RBFOX3: variants seen among roughly 807,000 people sequenced by gnomAD.
RBFOX3 encodes RNA binding fox-1 homolog 3, also known as RNA binding protein fox-1 homolog 3.
Under a neutral mutation model 48.7 loss-of-function variants are expected in RBFOX3, and 17 were observed. The observed-to-expected ratio is 0.35, with a 90% CI of 0.24 to 0.52. The LOEUF (loss-of-function observed/expected upper bound fraction) is 0.52. RBFOX3 is among the 20% of genes least tolerant of loss of function. The probability of loss-of-function intolerance (pLI) is 0.94; values close to 1 mark genes in which losing one functional copy is unlikely to be tolerated. For missense variants in RBFOX3, 382 were observed against 497.5 expected, an observed-to-expected ratio of 0.77 and a Z score of 2.21; for synonymous variants, 212 against 209.5, an observed-to-expected ratio of 1.01 and a Z score of -0.10.
At chr17:79,358,426 C>T (rs147668784) in intron 2 of RBFOX3, among the ~76,000 whole-genome samples, 1 of 152,244 alleles carries the variant, frequency 6.6e-6, no homozygotes, top group Non-Finnish European at 1.5e-5. Context: ...TCCATGAAAC[C>T]CCTCAAGTCT....
chr17:79,246,783 G>A (rs1343943717), intron 3 of RBFOX3, among the ~76,000 whole-genome samples: 1 of 152,186 alleles, frequency 6.6e-6, no homozygotes, highest in Non-Finnish European at 1.5e-5. Flanking sequence ...GACCGAGGAC[G>A]CGGCCTCCCA....
At position 79,249,195 on chromosome 17, in the gene RBFOX3, C is replaced by T. The variant is rs1375091978; in HGVS notation, c.-73-13390G>A. 6.6e-6 allele frequency among the ~76,000 whole-genome samples: 1 copy of T among 152,208 alleles called. No individual in the cohort carries two copies. Among genetic ancestry groups the T allele is most frequent in the Non-Finnish European group, 1.5e-5 (1 of 68,034 alleles). ...AGCTAGGGACTCGGCTCAGGAACTG[C>T]TGCTTGCTGGGGCGTCGAAAGCCAA... On this transcript the variant is annotated intron_variant, in intron 3 of 14. Transcript: ENST00000693108. This position sits in a 1 kb window ranked among gnomAD's most constrained non-coding sequence, Gnocchi z 4.1.
intron 1 of RBFOX3, among the ~76,000 whole-genome samples, chr17:79,552,999 C>A (rs945061008): frequency 2.0e-5 from 3 of 152,080 alleles, no homozygotes; most frequent in African/African-American, 4.8e-5. Context: ...CTTCTCATTT[C>A]TTTTCTTGTC....
intron 4 of RBFOX3, among the ~76,000 whole-genome samples, chr17:79,128,057 G>C (rs952924172): frequency 1.3e-5 from 2 of 152,238 alleles, no homozygotes; most frequent in African/African-American, 4.8e-5. Flanking sequence ...GGTTCTAGAT[G>C]TCTGGGCACA....
At chr17:79,282,973 A>G (rs988350646) in intron 3 of RBFOX3, among the ~76,000 whole-genome samples, 2 of 152,216 alleles carry the variant, frequency 1.3e-5, no homozygotes, top group Non-Finnish European at 1.5e-5. Context: ...ATTTTAGCTC[A>G]TGTGAGGAAC....
At chr17:79,138,160 G>T (rs2040704707) in intron 4 of RBFOX3, among the ~76,000 whole-genome samples, 1 of 152,034 alleles carries the variant, frequency 6.6e-6, no homozygotes, top group Admixed American at 6.5e-5. Context: ...CACCGAGCCT[G>T]CGAGGCACAC....
At chr17:79,396,625 C>T (rs1035011627) in intron 2 of RBFOX3, among the ~76,000 whole-genome samples, 17 of 152,174 alleles carry the variant, frequency 1.1e-4, no homozygotes, top group African/African-American at 2.4e-4. Context: ...CTGGCCACCC[C>T]GTCATTATCC....
intron 1 of RBFOX3, among the ~76,000 whole-genome samples, chr17:79,520,644 T>C (rs1321728722): frequency 6.6e-6 from 1 of 152,186 alleles, no homozygotes; most frequent in Non-Finnish European, 1.5e-5. Context: ...GAGCCTGACA[T>C]CTCGGCCTGG....
the RBFOX3 span, among the ~76,000 whole-genome samples, chr17:79,652,574 AAGGAGAGGAGAGGAGAGGAG>A: frequency 1.8e-5 from 1 of 57,090 alleles, no homozygotes; most frequent in Non-Finnish European, 3.4e-5. Context: ...AAGGAAAGGA[AAGGAGAGGAGAGGAGAGGAG>A]AGGAGAGGAA....
chr17:79,496,342 A>G (rs1567828), intron 1 of RBFOX3, among the ~76,000 whole-genome samples: 130,287 of 152,080 alleles, frequency 0.86, 56,392 homozygotes, highest in Non-Finnish European at 0.9. Flanking sequence ...GTCTGGCTGC[A>G]TCTCCTGGAA....
upstream of RBFOX3, among the ~76,000 whole-genome samples, chr17:79,611,169 T>TCGCTCTCTCTCTCG (rs1359138866): frequency 3.9e-5 from 1 of 25,908 alleles, no homozygotes; most frequent in Non-Finnish European, 8.1e-5. Flanking sequence ...TCTCTCTCTC[T>TCGCTCTCTCTCTCG]CTCTCCGCCC....
intron 1 of RBFOX3, among the ~76,000 whole-genome samples, chr17:79,490,175 C>T (rs2080282440): frequency 6.6e-6 from 1 of 152,126 alleles, no homozygotes; most frequent in Admixed American, 6.5e-5. Flanking sequence ...GAGTCGGTGA[C>T]AATTTTACTG....
intron 2 of RBFOX3, among the ~76,000 whole-genome samples, chr17:79,370,111 C>G (rs2058316702): frequency 6.6e-6 from 1 of 152,216 alleles, no homozygotes; most frequent in Non-Finnish European, 1.5e-5. Context: ...GTGACCAGGT[C>G]TTGGTGCCAA....
intron 1 of RBFOX3, among the ~76,000 whole-genome samples, chr17:79,544,929 T>A (rs1204793732): frequency 4.0e-5 from 2 of 49,782 alleles, no homozygotes; most frequent in South Asian, 5.1e-4. Flanking sequence ...AAAAATAACA[T>A]AAAATAAAAA....
At chr17:79,548,220 G>A (rs781867689) in intron 1 of RBFOX3, among the ~76,000 whole-genome samples, 10 of 152,252 alleles carry the variant, frequency 6.6e-5, no homozygotes, top group Non-Finnish European at 1.0e-4. Context: ...CTCCGCTCCC[G>A]GAGTCCACCC....
intron 1 of RBFOX3, among the ~76,000 whole-genome samples, chr17:79,539,353 A>C (rs1392664042): frequency 6.6e-6 from 1 of 152,254 alleles, no homozygotes; most frequent in East Asian, 1.9e-4. Flanking sequence ...CCTTGTCTCA[A>C]AGATAAAAAT....
chr17:79,482,278 C>T lies in RBFOX3; in HGVS notation c.-175+176G>A, dbSNP rs2078887931. Reference sequence around the variant, plus strand: ...ACCCCATACCTTCTTGGGCGTCCGTCGATGTTCCCCCTCCTACTCCACAAA... The same window carrying T: ...ACCCCATACCTTCTTGGGCGTCCGTTGATGTTCCCCCTCCTACTCCACAAA... On this transcript the variant is annotated intron_variant, in intron 2 of 14. Transcript: ENST00000693108. This position sits in a 1 kb window ranked among gnomAD's most constrained non-coding sequence, Gnocchi z 4.1. Among the ~76,000 whole-genome samples, 1 of 152,170 alleles carries T rather than the reference C, an allele frequency of 6.6e-6. No homozygotes were observed. Among genetic ancestry groups the T allele is most frequent in the Non-Finnish European group, 1.5e-5 (1 of 68,026 alleles).
intron 2 of RBFOX3, among the ~76,000 whole-genome samples, chr17:79,459,067 C>T (rs1020072652): frequency 5.9e-5 from 9 of 152,296 alleles, no homozygotes; most frequent in South Asian, 2.1e-4. Flanking sequence ...AGCACCCAGA[C>T]CTGACCAGCT....
chr17:79,251,623 C>T (rs1329697629), intron 3 of RBFOX3, among the ~76,000 whole-genome samples: 1 of 152,132 alleles, frequency 6.6e-6, no homozygotes, highest in Non-Finnish European at 1.5e-5. Flanking sequence ...CCCTTCTCTT[C>T]CTAGAACATG....
Sources: gnomAD v4.1 joint callset for allele counts (sites outside exome capture counted in the v4.1 genomes callset) on GRCh38, gnomAD v4.1.1 for gene constraint, Gnocchi (gnomAD v3.1) non-coding constraint, MANE v1.5 for transcripts, NCBI Gene and HGNC (gene_info 2026-07-23, HGNC 2026-07-21) for gene names.